TARS2: variants seen among roughly 807,000 people sequenced by gnomAD.
TARS2 encodes the protein threonine--tRNA ligase, mitochondrial.
A neutral mutation model predicts 94.4 loss-of-function variants in TARS2; 61 were observed. That is an observed-to-expected ratio of 0.65 (90% CI 0.53 to 0.80). The LOEUF is 0.80. Among genes scored for constraint, TARS2 ranks in the 30% least tolerant of loss-of-function variants. The pLI, the probability that TARS2 is intolerant of heterozygous loss-of-function variation, is 0.00. For synonymous variants in TARS2, 359 were observed against 353.4 expected (o/e 1.02, Z -0.18); for missense variants, 704 against 902.5 (o/e 0.78, Z 2.82).
intron 10 of TARS2, among the ~76,000 whole-genome samples, chr1:150,498,253 C>T (rs1262577474): frequency 6.6e-6 from 1 of 152,190 alleles, no homozygotes; most frequent in East Asian, 1.9e-4. Flanking sequence ...TCCTTCAGCT[C>T]AGTGACCATC....
At chr1:150,493,620 G>T (rs757878029) in intron 7 of TARS2, among the ~76,000 whole-genome samples, 2 of 152,068 alleles carry the variant, frequency 1.3e-5, no homozygotes, top group Non-Finnish European at 2.9e-5. Flanking sequence ...GGGCGTGGTG[G>T]CACATGCCTG....
intron 7 of TARS2, among the ~76,000 whole-genome samples, chr1:150,494,894 A>C (rs55928222): frequency 0.3 from 45,036 of 151,220 alleles, 8,115 homozygotes; most frequent in Non-Finnish European, 0.4. Flanking sequence ...AAAATTAGCC[A>C]GGTGTGGCCG....
intron 3 of TARS2, 184 bp downstream of exon 3, chr1:150,489,271 G>A (rs587672956): frequency 4.3e-5 from 34 of 796,256 alleles, no homozygotes; most frequent in Non-Finnish European, 6.6e-5. Context: ...ACTTAGCTTC[G>A]ATCTATTAAG....
intron 9 of TARS2, among the ~76,000 whole-genome samples, chr1:150,497,217 G>A (rs1301374421): frequency 4.6e-5 from 7 of 152,100 alleles, no homozygotes; most frequent in African/African-American, 1.7e-4. Context: ...CCCAGGAAGG[G>A]GAGGTTGCAG....
chr1:150,489,072 C>G lies in TARS2; in HGVS notation c.372C>G (p.Ser124=). 6.2e-7 allele frequency: 1 copy of G among 1,614,138 alleles called. No individual in the cohort carries two copies. Among genetic ancestry groups the G allele is most frequent in the Non-Finnish European group, 8.5e-7 (1 of 1,180,000 alleles). ...DSDLRFLTFD[S]PEGKAVFWHS... Reference sequence around the variant, plus strand: ...ACCTCAGATTTCTGACATTCGATTCCCCAGAGGGGAAAGCAGTAAGTTTCT... The same window carrying G: ...ACCTCAGATTTCTGACATTCGATTCGCCAGAGGGGAAAGCAGTAAGTTTCT... The change falls in exon 3 of 18, where the codon TCC becomes TCG. Residue 124 remains serine (S), a synonymous_variant. Coordinates refer to ENST00000369064, the MANE Select transcript of TARS2 (RefSeq NM_025150.5).
At chr1:150,500,779 G>A (rs755379429) in intron 13 of TARS2, among the ~76,000 whole-genome samples, 33 of 151,390 alleles carry the variant, frequency 2.2e-4, no homozygotes, top group Non-Finnish European at 3.8e-4. Context: ...AGCCGAGGTC[G>A]CACCACTGCA....
Position 150,504,808 on chromosome 1 carries a change from A to G in TARS2, c.1820+75A>G, listed in dbSNP as rs761343617. 3 of 1,606,652 alleles carry G rather than the reference A, an allele frequency of 1.9e-6. No homozygotes were observed. The Admixed American group carries it at 5.0e-5, about 27-fold the overall frequency. ...TGCTCCAGATCCTGTCCCCCTTCATATGCCAGCCTCTTTCCTTCTCAAGTC... is the reference window on the plus strand; with the variant it reads ...TGCTCCAGATCCTGTCCCCCTTCATGTGCCAGCCTCTTTCCTTCTCAAGTC... On this transcript the variant is annotated intron_variant, in intron 15 of 17. Coordinates refer to ENST00000369064, the MANE Select transcript of TARS2 (RefSeq NM_025150.5).
At chr1:150,492,217 G>A (rs1304279572) in intron 6 of TARS2, 194 bp from the exon 7 acceptor site, 1 of 540,286 alleles carries the variant, frequency 1.9e-6, no homozygotes, top group Non-Finnish European at 3.3e-6. Context: ...ACCCACCTTG[G>A]CCTCCCAAAG....
chr1:150,489,174 C>T, intron 3 of TARS2, 87 bp downstream of exon 3: 1 of 1,596,600 alleles, frequency 6.3e-7, no homozygotes, highest in South Asian at 1.1e-5. Context: ...TCTTTTGCCG[C>T]AGTTTCTCCA....
At chr1:150,492,255 C>A in intron 6 of TARS2, 156 bp from the exon 7 acceptor site, 1 of 724,520 alleles carries the variant, frequency 1.4e-6, no homozygotes, top group Non-Finnish European at 2.3e-6. Context: ...TGAGCCACCG[C>A]GCCCTGCCAG....
At position 150,507,074 on chromosome 1, in the gene TARS2, C is replaced by A; in HGVS notation, c.*10C>A. ...CGAAGAAATTTTCTGAGCCTTTGTA[C>A]ATAGATGAGGCAAAAACCTGCGAGT... is the stretch of plus-strand genomic sequence containing the variant. On this transcript the variant is annotated 3_prime_UTR_variant, in exon 18 of 18. Transcript: ENST00000369064. 6.2e-7 allele frequency: 1 copy of A among 1,613,754 alleles called. No individual in the cohort carries two copies. Among genetic ancestry groups the A allele is most frequent in the Non-Finnish European group, 8.5e-7 (1 of 1,179,840 alleles).
intron 4 of TARS2, among the ~76,000 whole-genome samples, chr1:150,491,170 G>A (rs1669365376): frequency 6.6e-6 from 1 of 152,272 alleles, no homozygotes; most frequent in Non-Finnish European, 1.5e-5. Flanking sequence ...TGTCTATCCA[G>A]ATTTCCTGCA....
rs759662842 is a variant in TARS2 at position 150,487,632 on chromosome 1, C to T, written c.66+116C>T. ...TCCTCCTCTCCCTGGTCCTCCGAGT[C>T]CCCAGAAAAGGACTCGTATCTAAAC... On this transcript the variant is annotated intron_variant, in intron 1 of 17. Coordinates refer to ENST00000369064, the MANE Select transcript of TARS2 (RefSeq NM_025150.5). 184 of 1,440,346 alleles carry T rather than the reference C, an allele frequency of 1.3e-4. 3 individuals carry two copies. In the South Asian group the frequency reaches 2.1e-3, roughly 17 times the overall value. The allele number at this position is 1,440,346 out of a possible 1,614,324, so 89.2% of individuals were successfully genotyped here.
intron 7 of TARS2, among the ~76,000 whole-genome samples, chr1:150,493,733 A>G (rs1669509557): frequency 6.6e-6 from 1 of 151,930 alleles, no homozygotes. Context: ...AGCCTGGGCA[A>G]CAAGAGCAAA....
chr1:150,501,729 G>T (rs1320792662), intron 13 of TARS2, among the ~76,000 whole-genome samples: 6 of 151,782 alleles, frequency 4.0e-5, no homozygotes, highest in Admixed American at 3.9e-4. Context: ...GAGGTGGGAG[G>T]ATCACTTGAG....
chr1:150,505,777 G>A, intron 17 of TARS2, 72 bp downstream of exon 17: 1 of 1,454,694 alleles, frequency 6.9e-7, no homozygotes, highest in East Asian at 2.3e-5. Flanking sequence ...TACCAAGTCT[G>A]GTAATGCATA....
chr1:150,487,509 T>C lies in TARS2; in HGVS notation c.59T>C (p.Leu20Pro), dbSNP rs1669201567. ...LRLQGLQACRLHTAVVSTPPR... is the reference protein window; with the variant it reads ...LRLQGLQACRPHTAVVSTPPR... ...CTCCAAGGTTTACAGGCTTGCAGGC[T>C]ACACACGGTGCGTGAGGCACCCCCA... Residue 20 changes from leucine to proline, a missense_variant, in exon 1 of 18, where the codon CTA (leucine) becomes CCA (proline). Leu to Pro is a moderately conservative substitution (Grantham distance 98). Transcript: ENST00000369064. 1 of 1,614,232 alleles carries C rather than the reference T, an allele frequency of 6.2e-7. No homozygotes were observed. The highest frequency in any genetic ancestry group is 1.3e-5 in the African/African-American group (1 of 75,056).
chr1:150,489,406 A>G (rs757606357), intron 3 of TARS2: 4 of 362,920 alleles, frequency 1.1e-5, no homozygotes, highest in Non-Finnish European at 2.1e-5. Flanking sequence ...TGTATATTCA[A>G]TTCTAACATG....
At chr1:150,498,087 C>T (rs1463499256) in intron 10 of TARS2, among the ~76,000 whole-genome samples, 2 of 131,518 alleles carry the variant, frequency 1.5e-5, no homozygotes, top group African/African-American at 5.7e-5. Flanking sequence ...AGCGAGACTC[C>T]ATCTCAAAAA....
Sources: gnomAD v4.1 joint callset for allele counts (sites outside exome capture counted in the v4.1 genomes callset) on GRCh38, gnomAD v4.1.1 for gene constraint, MANE v1.5 for transcripts, NCBI Gene and HGNC (gene_info 2026-07-23, HGNC 2026-07-21) for gene names.